Variants in SEMA3G observed in about 807,000 individuals in gnomAD.
SEMA3G encodes the protein semaphorin-3G.
SEMA3G carries 70 observed loss-of-function variants against 86.2 expected under a neutral mutation model. The observed-to-expected ratio is 0.81, with a 90% CI of 0.67 to 0.99. The LOEUF (loss-of-function observed/expected upper bound fraction) is 0.99. SEMA3G is among the 50% of genes least tolerant of loss of function. SEMA3G has a pLI of 0.00. For synonymous variants in SEMA3G, 416 were observed against 441.4 expected, an observed-to-expected ratio of 0.94 and a Z score of 0.72; for missense variants, 1,002 against 1,072.4, an observed-to-expected ratio of 0.93 and a Z score of 0.92.
Position 52,442,986 on chromosome 3 carries a change from C to T in SEMA3G, c.116-79G>A, listed in dbSNP as rs1021132072. On this transcript the variant is annotated intron_variant, in intron 1 of 15. Transcript: ENST00000231721. This position sits in a 1 kb window ranked among gnomAD's most constrained non-coding sequence, Gnocchi z 6.1. ...AGCCAAGGAGTGGAGGTGGAGGCCC[C>T]GGCTGAGCATCCACCCCTGACACAC... 36 of 1,548,126 alleles carry T rather than the reference C, an allele frequency of 2.3e-5. No individual in the cohort carries two copies. In the Middle Eastern group the frequency reaches 5.0e-4, roughly 21 times the overall value.
At chr3:52,444,881 T>C (rs1706236940) in intron 1 of SEMA3G, 32 bp downstream of exon 1, 1 of 1,288,932 alleles carries the variant, frequency 7.8e-7, no homozygotes. Context: ...ACAGGGCACA[T>C]GCACACAAAC....
At chr3:52,436,957 C>T (rs1706058588) in intron 15 of SEMA3G, among the ~76,000 whole-genome samples, 1 of 152,170 alleles carries the variant, frequency 6.6e-6, no homozygotes, top group Admixed American at 6.5e-5. Context: ...ATCCTCAGGC[C>T]CCAGACTTAA....
chr3:52,444,053 G>A (rs1473077892), intron 1 of SEMA3G, among the ~76,000 whole-genome samples: 7 of 152,176 alleles, frequency 4.6e-5, no homozygotes, highest in Admixed American at 3.9e-4. Context: ...TTGGGTGCAG[G>A]AGCACATGAA....
Position 52,435,563 on chromosome 3 carries a change from G to C in SEMA3G, c.*40C>G, listed in dbSNP as rs754191965. 1.3e-6 allele frequency: 2 copies of C among 1,559,180 alleles called. No homozygotes were observed. The highest frequency in any genetic ancestry group is 2.3e-5 in the South Asian group (2 of 85,234). ...GGGAGATGCTGGGGGCTGCTAGTGG[G>C]CCCCCCAGCCCATCCTGACCACCCC... On this transcript the variant is annotated 3_prime_UTR_variant, in exon 16 of 16. Transcript: ENST00000231721.
Position 52,441,648 on chromosome 3 carries a change from CG to C in SEMA3G, c.592del (p.Arg198GlufsTer4), listed in dbSNP as rs1306287076. The part of the protein sequence containing the change: ...YTGLTADFLG[R>X]EAMIFRSGGP... ...TCCACTTCGGAAGATCATGGCCTCT[CG>C]CCCCAGGAAGTCAGCAGTGAGACCC... On this transcript the variant is annotated frameshift_variant, in exon 6 of 16. Coordinates refer to ENST00000231721, the MANE Select transcript of SEMA3G (RefSeq NM_020163.3). LOFTEE classifies it high-confidence loss of function. The C allele has an allele frequency of 4.3e-6, 7 of 1,613,806 alleles. No individual in the cohort carries two copies. The highest frequency in any genetic ancestry group is 5.1e-6 in the Non-Finnish European group (6 of 1,180,018).
At chr3:52,437,794 C>T in intron 14 of SEMA3G, 128 bp from the exon 15 acceptor site, 14 of 1,212,944 alleles carry the variant, frequency 1.2e-5, no homozygotes, top group Non-Finnish European at 1.6e-5. Context: ...GATCCCCAAG[C>T]CAGCCACTGT....
rs1318512052 is a variant in SEMA3G, at chr3:52,433,281, T to C, written c.*2322A>G. The C allele has an allele frequency of 6.6e-6, 1 of 152,276 alleles. No homozygotes were observed. The highest frequency in any genetic ancestry group is 2.4e-5 in the African/African-American group (1 of 41,464). 9.4% of individuals were successfully genotyped at this position (152,276 alleles called of 1,614,324 possible). A position where few individuals can be genotyped will look rare whatever the true frequency, so the allele number is the denominator to read the frequency against. ...GGGAGGGCTCTTCATTTTCAGCTCA[T>C]GTGCGCAGCATCAGTCCATTTAGTA... On this transcript the variant is annotated 3_prime_UTR_variant, in exon 16 of 16. Coordinates refer to ENST00000231721, the MANE Select transcript of SEMA3G (RefSeq NM_020163.3).
At position 52,437,659 on chromosome 3, in the gene SEMA3G, T is replaced by C. The variant is rs1706070872; in HGVS notation, c.1746A>G (p.Ala582=). ...QCLGQSQEEE[A]VGLVAATMVY... is the part of the protein sequence containing the mutation. ...CCATGGTGGCTGCCACAAGTCCCAC[T>C]GCCTCTTCTGGAGAGAGGCAGAGGT... Residue 582 remains alanine, a synonymous_variant, in exon 15 of 16, where the codon GCA becomes GCG. Coordinates refer to ENST00000231721, the MANE Select transcript of SEMA3G (RefSeq NM_020163.3). 4 of 1,611,072 alleles carry C rather than the reference T, an allele frequency of 2.5e-6. No individual in the cohort carries two copies. The East Asian group carries it at 8.9e-5, about 36-fold the overall frequency.
chr3:52,435,905 A>G lies in SEMA3G; in HGVS notation c.2047T>C (p.Phe683Leu), dbSNP rs1706039778. The change falls in exon 16 of 16, where the codon TTC (phenylalanine) becomes CTC (leucine). Residue 683 changes from phenylalanine (F) to leucine (L), a missense_variant. Transcript: ENST00000231721. ...VIVASQLDNL[F>L]PPEPKPEEPP... Reference sequence around the variant, plus strand: ...TCCTCTGGCTTTGGCTCCGGAGGGAACAGGTTGTCCAGCTGTGAGGCCACA... The same window carrying G: ...TCCTCTGGCTTTGGCTCCGGAGGGAGCAGGTTGTCCAGCTGTGAGGCCACA... 9 of 1,613,972 alleles carry G rather than the reference A, an allele frequency of 5.6e-6. No homozygotes were observed. Among genetic ancestry groups the G allele is most frequent in the Admixed American group, 3.3e-5 (2 of 60,036 alleles).
chr3:52,439,731 C>T lies in SEMA3G; in HGVS notation c.1416G>A (p.Gly472=), dbSNP rs767419740. The stretch of plus-strand genomic sequence containing the variant: ...CCACTTCCTCAGGTTCAGCTGAGCC[C>T]CCTGCCTGGAGAGCGATGACTTTGA... ...SVLKVIALQA[G]GSAEPEEVVL... is the part of the protein sequence containing the mutation. The change falls in exon 12 of 16, where the codon GGG becomes GGA. Residue 472 remains glycine, a synonymous_variant. Coordinates refer to ENST00000231721, the MANE Select transcript of SEMA3G (RefSeq NM_020163.3). The T allele has an allele frequency of 1.9e-6, 3 of 1,614,050 alleles. No homozygotes were observed. In the Admixed American group the frequency reaches 5.0e-5, roughly 27 times the overall value.
At position 52,435,693 on chromosome 3, in the gene SEMA3G, C is replaced by T; in HGVS notation, c.2259G>A (p.Lys753=). 1 of 1,614,014 alleles carries T rather than the reference C, an allele frequency of 6.2e-7. No homozygotes were observed. Among genetic ancestry groups the T allele is most frequent in the Non-Finnish European group, 8.5e-7 (1 of 1,179,914 alleles). Residue 753 remains lysine (K), a synonymous_variant, in exon 16 of 16, where the codon AAG becomes AAA. Coordinates refer to ENST00000231721, the MANE Select transcript of SEMA3G (RefSeq NM_020163.3). Reference sequence around the variant, plus strand: ...TGCCTAGCTCCAGCCCTGCCCAGCTCTTGCCCCTGGCCTGCTTGCCCCGGC... The same window carrying T: ...TGCCTAGCTCCAGCCCTGCCCAGCTTTTGCCCCTGGCCTGCTTGCCCCGGC... The part of the protein sequence containing the change: ...SRSRGKQARG[K]SWAGLELGKK...
Position 52,442,009 on chromosome 3 carries a change from G to T in SEMA3G, c.460-100C>A. ...CCCTCGCGTGCGGCCAGAGAGCGGGGGTGGGCGGAAGGCGTCCTCATCCAG... is the reference window on the plus strand; with the variant it reads ...CCCTCGCGTGCGGCCAGAGAGCGGGTGTGGGCGGAAGGCGTCCTCATCCAG... On this transcript the variant is annotated intron_variant, in intron 4 of 15. Transcript: ENST00000231721. This position sits in a 1 kb window ranked among gnomAD's most constrained non-coding sequence, Gnocchi z 6.1. 1.5e-6 allele frequency: 2 copies of T among 1,320,922 alleles called. No homozygotes were observed. Among genetic ancestry groups the T allele is most frequent in the Middle Eastern group, 2.0e-4 (1 of 5,062 alleles). The allele number at this position is 1,320,922 out of a possible 1,614,324, so 81.8% of individuals were successfully genotyped here.
chr3:52,442,502 C>G lies in SEMA3G; in HGVS notation c.339+57G>C. On this transcript the variant is annotated intron_variant, in intron 3 of 15. Coordinates refer to ENST00000231721, the MANE Select transcript of SEMA3G (RefSeq NM_020163.3). The surrounding 1 kb of genome is among the most constrained non-coding windows in gnomAD (Gnocchi z 6.1). ...TACCTGGGGCGTGGTCACGGATTGTCCTGGGGGTCAGGGCAGGGTGTCAGG... is the reference window on the plus strand; with the variant it reads ...TACCTGGGGCGTGGTCACGGATTGTGCTGGGGGTCAGGGCAGGGTGTCAGG... The G allele has an allele frequency of 6.3e-7, 1 of 1,596,328 alleles. No homozygotes were observed. Among genetic ancestry groups the G allele is most frequent in the Non-Finnish European group, 8.6e-7 (1 of 1,164,224 alleles).
chr3:52,439,903 C>G lies in SEMA3G; in HGVS notation c.1339G>C (p.Glu447Gln). The change falls in exon 11 of 16, where the codon GAG becomes CAG. Residue 447 changes from glutamate to glutamine, a missense_variant. Transcript: ENST00000231721. ...AAAATGACATCGTAGGTCCCATCCT[C>G]TGCCTCCACGCGGTCCACCACGATC... is the stretch of plus-strand genomic sequence containing the variant. ...HQIVVDRVEA[E>Q]DGTYDVIFLG... The G allele has an allele frequency of 6.2e-7, 1 of 1,613,770 alleles. No homozygotes were observed. The highest frequency in any genetic ancestry group is 8.5e-7 in the Non-Finnish European group (1 of 1,179,968).
At chr3:52,441,073 C>A in intron 7 of SEMA3G, 25 bp from the exon 8 acceptor site, 1 of 1,554,856 alleles carries the variant, frequency 6.4e-7, no homozygotes. Flanking sequence ...GCCAGAGTCA[C>A]GCTTGGGCCC....
chr3:52,438,234 C>T (rs145770691), intron 13 of SEMA3G, 35 bp from the exon 14 acceptor site: 9 of 1,565,288 alleles, frequency 5.7e-6, no homozygotes, highest in African/African-American at 2.7e-5. Context: ...TGAGGTGAGC[C>T]CAGGCTTCGC....
chr3:52,438,155 C>G lies in SEMA3G; in HGVS notation c.1554G>C (p.Arg518=), dbSNP rs1706083691. The G allele has an allele frequency of 6.2e-7, 1 of 1,613,200 alleles. No individual in the cohort carries two copies. The highest frequency in any genetic ancestry group is 8.5e-7 in the Non-Finnish European group (1 of 1,180,046). The change falls in exon 14 of 16, where the codon CGG becomes CGC. Residue 518 remains arginine, a synonymous_variant. Coordinates refer to ENST00000231721, the MANE Select transcript of SEMA3G (RefSeq NM_020163.3). ...TGCCGTAAGTCTCACATTGGTGCAG[C>G]CGCAGCTGGGCCACACCCAGCCGAG... The part of the protein sequence containing the change: ...VGSRLGVAQL[R]LHQCETYGTA...
rs1246831404 is a variant in SEMA3G, at chr3:52,440,742, G to C, written c.998+12C>G. 1.2e-6 allele frequency: 2 copies of C among 1,609,328 alleles called. No individual in the cohort carries two copies. Among genetic ancestry groups the C allele is most frequent in the Non-Finnish European group, 8.5e-7 (1 of 1,177,358 alleles). ...GGGCCCATCGCAAGGCCGGGGTGCT[G>C]GGTGTGCCCACCTGACGGTGCTGAA... On this transcript the variant is annotated intron_variant, in intron 9 of 15. Coordinates refer to ENST00000231721, the MANE Select transcript of SEMA3G (RefSeq NM_020163.3).
At position 52,442,308 on chromosome 3, in the gene SEMA3G, C is replaced by T. The variant is rs200437216; in HGVS notation, c.340-4G>A. On this transcript the variant is annotated splice_polypyrimidine_tract_variant and splice_region_variant and intron_variant, in intron 3 of 15. Coordinates refer to ENST00000231721, the MANE Select transcript of SEMA3G (RefSeq NM_020163.3). This position sits in a 1 kb window ranked among gnomAD's most constrained non-coding sequence, Gnocchi z 6.1. Reference sequence around the variant, plus strand: ...GCACGAAGTTGGCGCACTCTGTCTGCGGGGAGAAGGAGGGGGTGGTTGAGG... The same window carrying T: ...GCACGAAGTTGGCGCACTCTGTCTGTGGGGAGAAGGAGGGGGTGGTTGAGG... 7.0e-4 allele frequency: 1,125 copies of T among 1,603,644 alleles called. 1 individual carries two copies. The highest frequency in any genetic ancestry group is 7.9e-4 in the Non-Finnish European group (926 of 1,176,048).
Sources: allele counts gnomAD v4.1 joint callset (sites outside exome capture counted in the v4.1 genomes callset), GRCh38; gene constraint gnomAD v4.1.1; non-coding constraint Gnocchi (gnomAD v3.1); transcripts MANE v1.5; gene names NCBI Gene and HGNC (gene_info 2026-07-23, HGNC 2026-07-21).